Variants in TRIP12 observed in about 807,000 individuals in gnomAD.
TRIP12 encodes E3 ubiquitin-protein ligase TRIP12.
Under a neutral mutation model 244.2 loss-of-function variants are expected in TRIP12, and 25 were observed. The observed-to-expected ratio is 0.10, with a 90% CI of 0.07 to 0.14. TRIP12 has a LOEUF of 0.14. Ranked by LOEUF, TRIP12 falls within the 10% of genes least tolerant of loss-of-function variation. TRIP12 has a pLI of 1.00. For synonymous variants in TRIP12, 905 were observed against 873.1 expected (o/e 1.04, Z -0.64); for missense variants, 1,677 against 2,486.4 (o/e 0.67, Z 6.92).
chr2:229,791,051 ACT>A, intron 30 of TRIP12, 71 bp downstream of exon 30: 1 of 1,580,626 alleles, frequency 6.3e-7, no homozygotes, highest in Non-Finnish European at 8.6e-7. Flanking sequence ...AATCCAAATC[ACT>A]CTTTGAAAAT....
At position 229,767,414 on chromosome 2, in the gene TRIP12, G is replaced by T; in HGVS notation, c.*140C>A. 1.0e-6 allele frequency: 1 copy of T among 987,108 alleles called. No homozygotes were observed. Among genetic ancestry groups the T allele is most frequent in the Non-Finnish European group, 1.4e-6 (1 of 709,200 alleles). The allele number at this position is 987,108 out of a possible 1,614,324, so 61.1% of individuals were successfully genotyped here. On this transcript the variant is annotated 3_prime_UTR_variant, in exon 42 of 42. Transcript: ENST00000675903. ...GGCCATTAATGAATATCAACCAAAT[G>T]TCTCTTTATAATCTGCAAGCCGTTT...
chr2:229,852,812 CACAATA>C (rs2154329709), intron 4 of TRIP12, among the ~76,000 whole-genome samples: 1 of 152,300 alleles, frequency 6.6e-6, no homozygotes, highest in East Asian at 1.9e-4. Flanking sequence ...GACTAAGCAG[CACAATA>C]ACAAGGTCTT....
At chr2:229,807,972 A>ATTT in intron 16 of TRIP12, 108 bp from the exon 17 acceptor site, 3 of 1,031,318 alleles carry the variant, frequency 2.9e-6, no homozygotes, top group East Asian at 3.3e-5. Flanking sequence ...ATTTAGACCA[A>ATTT]TTTTTTTTTT....
chr2:229,791,035 C>T (rs1457035782), intron 30 of TRIP12, 89 bp downstream of exon 30: 7 of 1,513,174 alleles, frequency 4.6e-6, no homozygotes, highest in Non-Finnish European at 6.3e-6. Flanking sequence ...AAAAATTTTA[C>T]TACTAAATCC....
chr2:229,829,508 A>AATATTTTG (rs1341257008), intron 7 of TRIP12, among the ~76,000 whole-genome samples: 1 of 152,214 alleles, frequency 6.6e-6, no homozygotes, highest in Non-Finnish European at 1.5e-5. Context: ...ATCTAAGGTA[A>AATATTTTG]ATATTTTGAT....
chr2:229,852,782 T>A (rs1334345219), intron 4 of TRIP12, among the ~76,000 whole-genome samples: 1 of 152,210 alleles, frequency 6.6e-6, no homozygotes, highest in Non-Finnish European at 1.5e-5. Flanking sequence ...GGGAACTTGT[T>A]CATTGGTCTA....
At position 229,839,704 on chromosome 2, in the gene TRIP12, C is replaced by T. The variant is rs940298716; in HGVS notation, c.1133+1118G>A. Among the ~76,000 whole-genome samples, 13 of 151,344 alleles carry T rather than the reference C, an allele frequency of 8.6e-5. No individual in the cohort carries two copies. The East Asian group carries it at 2.5e-3, about 29-fold the overall frequency. On this transcript the variant is annotated intron_variant, in intron 5 of 41. Transcript: ENST00000675903. ...AAAAAAAAAAAAAAGAAAAAAGTGGCATGACTTACACAAAGACGGAGAACT... is the reference window on the plus strand; with the variant it reads ...AAAAAAAAAAAAAAGAAAAAAGTGGTATGACTTACACAAAGACGGAGAACT...
intron 1 of TRIP12, among the ~76,000 whole-genome samples, chr2:229,916,539 A>G (rs1417720602): frequency 6.6e-6 from 1 of 152,108 alleles, no homozygotes; most frequent in Non-Finnish European, 1.5e-5. Context: ...TGGGTGACAA[A>G]AGTGAGACTC....
At chr2:229,922,757 C>T (rs2076786508), upstream of TRIP12, 5 of 737,804 alleles carry the variant, frequency 6.8e-6, no homozygotes, top group Non-Finnish European at 1.1e-5. Flanking sequence ...TTCCTCGTCA[C>T]CTCGGCCTCC....
chr2:229,888,940 G>A (rs958649179), intron 1 of TRIP12, among the ~76,000 whole-genome samples: 6 of 152,188 alleles, frequency 3.9e-5, no homozygotes, highest in Non-Finnish European at 7.3e-5. Context: ...ATAGCCAGGA[G>A]AGAAGGGAAG....
At chr2:229,895,948 T>G (rs993247956) in intron 1 of TRIP12, among the ~76,000 whole-genome samples, 2 of 152,036 alleles carry the variant, frequency 1.3e-5, no homozygotes, top group Non-Finnish European at 2.9e-5. Context: ...ATAGCACCAC[T>G]TCATACCAGC....
In TRIP12 at chr2:229,803,308, T is replaced by A. The variant is rs117907333; in HGVS notation, c.2998+263A>T. ...TTTGTATTTTTCTTAAAGACTGGGT[T>A]TCACCATGTTGGCCAGGCTGGTCTC... is the stretch of plus-strand genomic sequence containing the variant. On this transcript the variant is annotated intron_variant, in intron 20 of 41. Transcript: ENST00000675903. Among the ~76,000 whole-genome samples, 26 of 152,326 alleles carry A rather than the reference T, an allele frequency of 1.7e-4. No homozygotes were observed. The East Asian group carries it at 5.0e-3, about 29-fold the overall frequency.
intron 15 of TRIP12, among the ~76,000 whole-genome samples, chr2:229,809,385 C>T (rs147490657): frequency 1.3e-5 from 2 of 152,084 alleles, no homozygotes; most frequent in African/African-American, 4.8e-5. Context: ...AGGGTTATTA[C>T]AGTAAACAAC....
intron 25 of TRIP12, 75 bp from the exon 26 acceptor site, chr2:229,795,405 T>TA (rs1446212275): frequency 2.0e-6 from 3 of 1,488,800 alleles, no homozygotes; most frequent in Admixed American, 4.3e-5. Flanking sequence ...GAAGATTTAA[T>TA]AAGCAGCTTT....
At chr2:229,879,101 C>T (rs1220648853) in intron 2 of TRIP12, among the ~76,000 whole-genome samples, 1 of 151,920 alleles carries the variant, frequency 6.6e-6, no homozygotes, top group Non-Finnish European at 1.5e-5. Context: ...TCTCAAAAAA[C>T]ATTAGCTGGG....
chr2:229,778,881 G>A lies in TRIP12; in HGVS notation c.5204C>T (p.Pro1735Leu). ...WRGEEVTLSN[P>L]KGSQEGTKYI... ...AACTTACAGATAGGCATTACCTTTT[G>A]GATTGCTAAGAGTTACTTCTTCACC... Residue 1735 changes from proline (P) to leucine (L), a missense_variant, in exon 35 of 42, where the codon CCA becomes CTA. Around this residue, in one of 11 missense-constraint regions of TRIP12, gnomAD observed 18 missense variants for 16.8 expected, o/e 1.07. Coordinates refer to ENST00000675903, the MANE Select transcript of TRIP12 (RefSeq NM_001348323.3). The surrounding 1 kb of genome is among the most constrained non-coding windows in gnomAD (Gnocchi z 4.1). 1 of 1,613,618 alleles carries A rather than the reference G, an allele frequency of 6.2e-7. No homozygotes were observed. The highest frequency in any genetic ancestry group is 8.5e-7 in the Non-Finnish European group (1 of 1,179,620).
chr2:229,783,668 G>A lies in TRIP12; in HGVS notation c.5094+2089C>T, dbSNP rs150718929. On this transcript the variant is annotated intron_variant, in intron 34 of 41. Coordinates refer to ENST00000675903, the MANE Select transcript of TRIP12 (RefSeq NM_001348323.3). ...ACATTCATGGATCAGAAGACACAAT[G>A]CTGTAAACATGTCAATTCTCTCCAA... 8.1e-3 allele frequency among the ~76,000 whole-genome samples: 1,231 copies of A among 152,222 alleles called. 9 individuals are homozygous for A. Among genetic ancestry groups the A allele is most frequent in the Non-Finnish European group, 0.013 (910 of 67,992 alleles).
chr2:229,855,281 A>G (rs1269925665), intron 4 of TRIP12, among the ~76,000 whole-genome samples: 9 of 152,170 alleles, frequency 5.9e-5, no homozygotes. Context: ...CAAACAAACA[A>G]AAACAAAAAA....
chr2:229,830,130 T>C lies in TRIP12; in HGVS notation c.1354+626A>G, dbSNP rs919336771. ...ATAAAAATACATACCCATCCATACA[T>C]AGTATTAGGCTGCTTTTGTAAAAGC... On this transcript the variant is annotated intron_variant, in intron 7 of 41. Transcript: ENST00000675903. Among the ~76,000 whole-genome samples, 7 of 152,308 alleles carry C rather than the reference T, an allele frequency of 4.6e-5. No individual in the cohort carries two copies. In the South Asian group the frequency reaches 1.0e-3, roughly 23 times the overall value.
Sources: allele counts gnomAD v4.1 joint callset (sites outside exome capture counted in the v4.1 genomes callset), GRCh38; gene constraint gnomAD v4.1.1; regional missense constraint gnomAD v4.1.1; non-coding constraint Gnocchi (gnomAD v3.1); transcripts MANE v1.5; gene names NCBI Gene and HGNC (gene_info 2026-07-23, HGNC 2026-07-21).